The following SCARF2 variants were observed in gnomAD, a reference collection of about 807,000 sequenced individuals.
SCARF2 encodes scavenger receptor class F member 2, also known as scavenger receptor expressed by endothelial cells 2 protein.
In SCARF2, 39 loss-of-function variants were observed where a neutral mutation model predicts 73.4. That is an observed-to-expected ratio of 0.53 (90% CI 0.41 to 0.69). The LOEUF is 0.69. SCARF2 is among the 30% of genes least tolerant of loss of function. SCARF2 has a pLI of 0.00. For missense variants in SCARF2, 1,148 were observed against 1,303.5 expected, an observed-to-expected ratio of 0.88 and a Z score of 1.84; for synonymous variants, 605 against 590.0, an observed-to-expected ratio of 1.03 and a Z score of -0.37.
chr22:20,425,763 G>T lies in SCARF2; in HGVS notation c.2213C>A (p.Pro738Gln). Residue 738 changes from proline to glutamine, a missense_variant, in exon 11 of 11, where the codon CCG becomes CAG. Physicochemically the swap from Pro to Gln is moderately conservative, Grantham distance 76 (BLOSUM62 -1). Around this residue, in one of 5 missense-constraint regions of SCARF2, gnomAD observed 46 missense variants for 80.6 expected, o/e 0.57. Coordinates refer to ENST00000622235, the MANE Select transcript of SCARF2 (RefSeq NM_182895.5). The surrounding 1 kb of genome is among the most constrained non-coding windows in gnomAD (Gnocchi z 4.6). ...GCGGCCCCGCGCTCGGGCCCTGGGCGGCGAGGGCGCAGCGAGGGCTGTCGC... is the reference window on the plus strand; with the variant it reads ...GCGGCCCCGCGCTCGGGCCCTGGGCTGCGAGGGCGCAGCGAGGGCTGTCGC... ...EEATALAAPS[P>Q]PRARARGRGP... The T allele has an allele frequency of 1.5e-6, 2 of 1,302,802 alleles. No individual in the cohort carries two copies. Among genetic ancestry groups the T allele is most frequent in the South Asian group, 2.4e-5 (1 of 42,508 alleles). 80.7% of individuals were successfully genotyped at this position (1,302,802 alleles called of 1,614,324 possible).
In SCARF2 at chr22:20,429,886, CT is replaced by C; in HGVS notation, c.1203-54del. 1 of 1,559,896 alleles carries C rather than the reference CT, an allele frequency of 6.4e-7. No individual in the cohort carries two copies. Among genetic ancestry groups the C allele is most frequent in the South Asian group, 1.1e-5 (1 of 88,284 alleles). On this transcript the variant is annotated intron_variant, in intron 6 of 10. Coordinates refer to ENST00000622235, the MANE Select transcript of SCARF2 (RefSeq NM_182895.5). This position sits in a 1 kb window ranked among gnomAD's most constrained non-coding sequence, Gnocchi z 5.2. ...CACAGCCGCCCCCCTAGGATGCCCC[CT>C]ACCCTCACCCCTCACCCGCGGCCAG...
In SCARF2 at chr22:20,429,946, C is replaced by G. The variant is rs899669001; in HGVS notation, c.1203-113G>C. ...GTCCAGGGTCCCAGAACCGGGCTCT[C>G]TCTCGCTGCATTCGTCGTCTAGGGA... is the stretch of plus-strand genomic sequence containing the variant. On this transcript the variant is annotated intron_variant, in intron 6 of 10. Transcript: ENST00000622235. This position sits in a 1 kb window ranked among gnomAD's most constrained non-coding sequence, Gnocchi z 5.2. The G allele has an allele frequency of 2.3e-5, 24 of 1,023,674 alleles. No individual in the cohort carries two copies. Among genetic ancestry groups the G allele is most frequent in the African/African-American group, 3.2e-5 (2 of 62,980 alleles). 63.4% of individuals were successfully genotyped at this position (1,023,674 alleles called of 1,614,324 possible).
Position 20,426,158 on chromosome 22 carries a change from G to A in SCARF2, c.1818C>T (p.Ser606=), listed in dbSNP as rs1445195702. Residue 606 remains serine (S), a synonymous_variant, in exon 11 of 11, where the codon TCC becomes TCT. Transcript: ENST00000622235. ...AEEAIPLPAS[S]DSERSASSVE... ...CGCTGGACGCCGACCGCTCGCTGTC[G>A]GAGGACGCGGGGAGGGGTATCGCCT... 6.8e-7 allele frequency: 1 copy of A among 1,480,348 alleles called. No individual in the cohort carries two copies. Among genetic ancestry groups the A allele is most frequent in the East Asian group, 2.6e-5 (1 of 38,604 alleles). 91.7% of individuals were successfully genotyped at this position (1,480,348 alleles called of 1,614,324 possible).
intron 1 of SCARF2, among the ~76,000 whole-genome samples, chr22:20,436,397 C>T (rs1199379343): frequency 6.6e-6 from 1 of 152,110 alleles, no homozygotes; most frequent in African/African-American, 2.4e-5. Flanking sequence ...CCGCCCGCCG[C>T]CGCCGCTGCA....
chr22:20,430,608 A>G, intron 5 of SCARF2, 51 bp from the exon 6 acceptor site: 1 of 1,610,260 alleles, frequency 6.2e-7, no homozygotes, highest in Non-Finnish European at 8.5e-7. Flanking sequence ...AACGGACCAC[A>G]GCGCCCTCGA....
In SCARF2 at chr22:20,427,385, G is replaced by A. The variant is rs1371383617; in HGVS notation, c.1693+13C>T. 4 of 1,613,938 alleles carry A rather than the reference G, an allele frequency of 2.5e-6. No individual in the cohort carries two copies. In the African/African-American group the frequency reaches 5.3e-5, roughly 22 times the overall value. On this transcript the variant is annotated intron_variant, in intron 10 of 10. Transcript: ENST00000622235. Reference sequence around the variant, plus strand: ...ACTGGGCTGGAGTGATGCCCAGGTAGGGCCTTACTTACCCTCATGGGGTAC... The same window carrying A: ...ACTGGGCTGGAGTGATGCCCAGGTAAGGCCTTACTTACCCTCATGGGGTAC...
intron 1 of SCARF2, among the ~76,000 whole-genome samples, chr22:20,434,233 G>A (rs1335728410): frequency 1.3e-5 from 2 of 152,328 alleles, no homozygotes; most frequent in East Asian, 1.9e-4. Context: ...GTTTGAGGCT[G>A]CAGTGAGCTG....
At position 20,430,806 on chromosome 22, in the gene SCARF2, G is replaced by A; in HGVS notation, c.957C>T (p.Ala319=). The A allele has an allele frequency of 1.9e-6, 3 of 1,606,880 alleles. No individual in the cohort carries two copies. The highest frequency in any genetic ancestry group is 2.5e-6 in the Non-Finnish European group (3 of 1,177,660). ...TGCAGCCCTCGCCATAGAAACCGGT[G>A]GCGCAAGGCTGGTCGCACTTGGTTC... ...WNGTKCDQPC[A]TGFYGEGCSH... Residue 319 remains alanine, a synonymous_variant, in exon 5 of 11, where the codon GCC becomes GCT. Coordinates refer to ENST00000622235, the MANE Select transcript of SCARF2 (RefSeq NM_182895.5).
rs2052719988 is a variant in SCARF2 at position 20,437,780 on chromosome 22, G to C, written c.-26C>G. ...GAGGCGCGGGGCAGGCGCGGGGCGG[G>C]CACGGGCGCGGGTGCGGCCGCAGCG... On this transcript the variant is annotated 5_prime_UTR_variant, in exon 1 of 11. Coordinates refer to ENST00000622235, the MANE Select transcript of SCARF2 (RefSeq NM_182895.5). 1 of 942,984 alleles carries C rather than the reference G, an allele frequency of 1.1e-6. No homozygotes were observed. The highest frequency in any genetic ancestry group is 1.8e-5 in the African/African-American group (1 of 56,026). 58.4% of individuals were successfully genotyped at this position (942,984 alleles called of 1,614,324 possible).
chr22:20,437,290 G>A (rs1206871230), intron 1 of SCARF2, among the ~76,000 whole-genome samples: 1 of 152,178 alleles, frequency 6.6e-6, no homozygotes, highest in Non-Finnish European at 1.5e-5. Context: ...CTCGGTCAAG[G>A]GTCCCTTTTT....
At position 20,429,571 on chromosome 22, in the gene SCARF2, G is replaced by A. The variant is rs1270670648; in HGVS notation, c.1389C>T (p.Cys463=). 1.9e-6 allele frequency: 3 copies of A among 1,613,088 alleles called. No individual in the cohort carries two copies. The African/African-American group carries it at 4.0e-5, about 22-fold the overall frequency. ...LVCLLLSLLG[C]CCACRGKDPT... ...GGTCCTTGCCGCGGCAAGCGCAGCA[G>A]CAGCCGAGCAGCGAGAGCAGCAGGC... Residue 463 remains cysteine (C), a synonymous_variant, in exon 8 of 11, where the codon TGC becomes TGT. Transcript: ENST00000622235. This position sits in a 1 kb window ranked among gnomAD's most constrained non-coding sequence, Gnocchi z 5.2.
In SCARF2 at chr22:20,430,848, G is replaced by A. The variant is rs1241075295; in HGVS notation, c.915C>T (p.Cys305=). Residue 305 remains cysteine (C), a synonymous_variant, in exon 5 of 11, where the codon TGC becomes TGT. Coordinates refer to ENST00000622235, the MANE Select transcript of SCARF2 (RefSeq NM_182895.5). ...CTVAEGRCLT[C]EPGWNGTKCD... ...ACTTGGTTCCGTTCCAGCCGGGCTCGCACGTCAAGCAGCGGCCCTCGGCCA... is the reference window on the plus strand; with the variant it reads ...ACTTGGTTCCGTTCCAGCCGGGCTCACACGTCAAGCAGCGGCCCTCGGCCA... 1.9e-6 allele frequency: 3 copies of A among 1,606,530 alleles called. No homozygotes were observed. Among genetic ancestry groups the A allele is most frequent in the Non-Finnish European group, 2.5e-6 (3 of 1,178,102 alleles).
At position 20,430,913 on chromosome 22, in the gene SCARF2, G is replaced by A; in HGVS notation, c.855-5C>T. On this transcript the variant is annotated splice_polypyrimidine_tract_variant and splice_region_variant and intron_variant, in intron 4 of 10. Coordinates refer to ENST00000622235, the MANE Select transcript of SCARF2 (RefSeq NM_182895.5). ...TGGCCCTTGCACTGGCCACACCTGGGGGAGGGGTCGGAGGCTAGGGAAGGC... is the reference window on the plus strand; with the variant it reads ...TGGCCCTTGCACTGGCCACACCTGGAGGAGGGGTCGGAGGCTAGGGAAGGC... 1 of 1,587,540 alleles carries A rather than the reference G, an allele frequency of 6.3e-7. No individual in the cohort carries two copies. Among genetic ancestry groups the A allele is most frequent in the Non-Finnish European group, 8.5e-7 (1 of 1,171,194 alleles).
chr22:20,428,245 C>T (rs927300152), intron 9 of SCARF2, among the ~76,000 whole-genome samples: 1 of 129,008 alleles, frequency 7.8e-6, no homozygotes, highest in Admixed American at 8.5e-5. Context: ...CCTTCCTTCT[C>T]TTTCTTCTTT....
In SCARF2 at chr22:20,431,206, G is replaced by T; in HGVS notation, c.666C>A (p.Cys222Ter). ...NNQCACNSSP[C>*]EQQSGRCQCR... ...ACTGACAGCGGCCGCTCTGCTGCTC[G>T]CAGGGAGACGAGTTGCAGGCGCACT... The change falls in exon 4 of 11, where the codon TGC (cysteine) becomes TGA (stop). Residue 222 changes from cysteine (C) to a stop codon, truncating the protein, a stop_gained. Transcript: ENST00000622235. LOFTEE classifies it high-confidence loss of function. The T allele has an allele frequency of 6.4e-7, 1 of 1,561,520 alleles. No homozygotes were observed. The highest frequency in any genetic ancestry group is 8.6e-7 in the Non-Finnish European group (1 of 1,162,096).
chr22:20,437,552 GC>G, intron 1 of SCARF2, 29 bp downstream of exon 1: 1 of 1,555,940 alleles, frequency 6.4e-7, no homozygotes, highest in Non-Finnish European at 8.6e-7. Context: ...CGTCCCTCTC[GC>G]CCCCTCCCCC....
At position 20,429,582 on chromosome 22, in the gene SCARF2, G is replaced by C; in HGVS notation, c.1378C>G (p.Leu460Val). The change falls in exon 8 of 11, where the codon CTG becomes GTG. Residue 460 changes from leucine to valine, a missense_variant. Leu to Val is a conservative substitution (Grantham distance 32). Around this residue, in one of 5 missense-constraint regions of SCARF2, gnomAD observed 437 missense variants for 433.6 expected, o/e 1.01. Coordinates refer to ENST00000622235, the MANE Select transcript of SCARF2 (RefSeq NM_182895.5). This position sits in a 1 kb window ranked among gnomAD's most constrained non-coding sequence, Gnocchi z 5.2. ...CGGCAAGCGCAGCAGCAGCCGAGCAGCGAGAGCAGCAGGCAGACGAGCAGG... is the reference window on the plus strand; with the variant it reads ...CGGCAAGCGCAGCAGCAGCCGAGCACCGAGAGCAGCAGGCAGACGAGCAGG... ...LVLLVCLLLSLLGCCCACRGK... is the reference protein window; with the variant it reads ...LVLLVCLLLSVLGCCCACRGK... The C allele has an allele frequency of 6.2e-7, 1 of 1,613,420 alleles. No homozygotes were observed. Among genetic ancestry groups the C allele is most frequent in the Non-Finnish European group, 8.5e-7 (1 of 1,179,898 alleles).
intron 10 of SCARF2, among the ~76,000 whole-genome samples, chr22:20,426,994 G>T (rs1272944186): frequency 6.6e-6 from 1 of 152,024 alleles, no homozygotes; most frequent in Admixed American, 6.5e-5. Context: ...GCATCTGGGG[G>T]CACAGTCAAG....
At chr22:20,432,865 G>T (rs906330719) in intron 1 of SCARF2, among the ~76,000 whole-genome samples, 1 of 152,172 alleles carries the variant, frequency 6.6e-6, no homozygotes, top group Non-Finnish European at 1.5e-5. Context: ...TTACAGGCAC[G>T]TGCCACCACA....
Sources: allele counts gnomAD v4.1 joint callset (sites outside exome capture counted in the v4.1 genomes callset), GRCh38; gene constraint gnomAD v4.1.1; regional missense constraint gnomAD v4.1.1; non-coding constraint Gnocchi (gnomAD v3.1); transcripts MANE v1.5; gene names NCBI Gene and HGNC (gene_info 2026-07-23, HGNC 2026-07-21).